GDF1: variants seen among roughly 807,000 people sequenced by gnomAD.
GDF1 encodes the protein growth differentiation factor 1.
Under a neutral mutation model 7.4 loss-of-function variants are expected in GDF1, and 8 were observed. The observed-to-expected ratio is 1.09, with a 90% CI of 0.64 to 1.96. The LOEUF (loss-of-function observed/expected upper bound fraction) is 1.96. GDF1 is among the 30% of genes most tolerant of loss of function. The pLI is 0.00. For missense variants in GDF1, 574 were observed against 551.5 expected (o/e 1.04, Z -0.41); for synonymous variants, 311 against 276.7 (o/e 1.12, Z -1.23).
rs1248777112 is a variant in GDF1, at chr19:18,868,926, CG to C, written c.789del (p.Gly265AlafsTer10). On this transcript the variant is annotated frameshift_variant, in exon 8 of 8. Coordinates refer to ENST00000247005, the MANE Select transcript of GDF1 (RefSeq NM_001492.6). LOFTEE classifies it low-confidence loss of function (END_TRUNC). ...AGCCGCCGCGCGCGACAAGCGCCCC[CG>C]GGGCCGCCGCCCAACACGGGTTCGG... The part of the protein sequence containing the change: ...RDAEPVLGGG[P>X]GGACRARRLY... 2.3e-6 allele frequency: 3 copies of C among 1,331,380 alleles called. No individual in the cohort carries two copies. The highest frequency in any genetic ancestry group is 1.4e-5 in the South Asian group (1 of 70,440). The allele number at this position is 1,331,380 out of a possible 1,614,324, so 82.5% of individuals were successfully genotyped here.
intron 6 of GDF1, among the ~76,000 whole-genome samples, chr19:18,871,719 C>G (rs747380409): frequency 3.9e-5 from 6 of 152,230 alleles, no homozygotes; most frequent in Non-Finnish European, 8.8e-5. Flanking sequence ...TCACAGCCAA[C>G]TGGCTGTCCC....
chr19:18,869,575 G>A (rs1039075265), intron 7 of GDF1, among the ~76,000 whole-genome samples, 185 bp from the exon 8 acceptor site: 111 of 150,232 alleles, frequency 7.4e-4, no homozygotes, highest in African/African-American at 2.6e-3. Flanking sequence ...AAGGCGCCCT[G>A]CGGGGTGCGG....
chr19:18,884,862 G>A (rs932201749), intron 2 of GDF1, among the ~76,000 whole-genome samples: 2 of 150,644 alleles, frequency 1.3e-5, no homozygotes, highest in African/African-American at 2.4e-5. Context: ...TACAGGCGCT[G>A]GACACCATGC....
rs1250812564 is a variant in GDF1, at chr19:18,868,836, TG to T, written c.879del (p.Asn294ThrfsTer91). The T allele has an allele frequency of 1.2e-5, 18 of 1,454,010 alleles. No homozygotes were observed. The highest frequency in any genetic ancestry group is 1.5e-5 in the Non-Finnish European group (16 of 1,094,172). The allele number at this position is 1,454,010 out of a possible 1,614,324, so 90.1% of individuals were successfully genotyped here. A position where few individuals can be genotyped will look rare whatever the true frequency, so the allele number is the denominator to read the frequency against. On this transcript the variant is annotated frameshift_variant, in exon 8 of 8. Transcript: ENST00000247005. LOFTEE classifies it low-confidence loss of function (END_TRUNC). Reference protein sequence around the residue: ...RWVIAPRGFLANYCQGQCALP... With the variant: ...RWVIAPRGFLXNYCQGQCALP... Reference sequence around the variant, plus strand: ...AGCGCGCACTGACCCTGGCAGTAGTTGGCCAGGAAGCCGCGCGGCGCGATGA... The same window carrying T: ...AGCGCGCACTGACCCTGGCAGTAGTTGCCAGGAAGCCGCGCGGCGCGATGA...
At chr19:18,887,047 G>A (rs904960345) in intron 2 of GDF1, among the ~76,000 whole-genome samples, 3 of 152,224 alleles carry the variant, frequency 2.0e-5, no homozygotes, top group Admixed American at 1.3e-4. Context: ...GGGACTCAAA[G>A]AGATACTCAT....
intron 2 of GDF1, among the ~76,000 whole-genome samples, chr19:18,888,962 A>G (rs927976954): frequency 1.4e-5 from 2 of 140,046 alleles, no homozygotes; most frequent in Non-Finnish European, 3.0e-5. Context: ...CATGATCTCG[A>G]CTCACTGCAA....
In GDF1 at chr19:18,870,197, G is replaced by C; in HGVS notation, c.111C>G (p.Ala37=). Residue 37 remains alanine, a synonymous_variant, in exon 7 of 8, where the codon GCC becomes GCG. Transcript: ENST00000247005. The surrounding 1 kb of genome is among the most constrained non-coding windows in gnomAD (Gnocchi z 5.1). ...GCAGTCCTAGAGCCTGGAGCAGGGC[G>C]GCGGCTGGGCCTGGGGGCACGGGGG... ...TRAPVPPGPA[A]ALLQALGLRD... The C allele has an allele frequency of 6.4e-7, 1 of 1,560,284 alleles. No homozygotes were observed.
chr19:18,870,384 T>C lies in GDF1; in HGVS notation c.-77A>G. 5.4e-6 allele frequency: 8 copies of C among 1,490,852 alleles called. No homozygotes were observed. Among genetic ancestry groups the C allele is most frequent in the Non-Finnish European group, 7.2e-6 (8 of 1,110,196 alleles). 92.4% of individuals were successfully genotyped at this position (1,490,852 alleles called of 1,614,324 possible). ...ACCAGTGGGCTGAGGGCGGGGCCGG[T>C]GTCCCCGGAGGGGCAGGGGTCCTGG... On this transcript the variant is annotated 5_prime_UTR_variant, in exon 7 of 8. Transcript: ENST00000247005. The surrounding 1 kb of genome is among the most constrained non-coding windows in gnomAD (Gnocchi z 5.1).
Position 18,876,536 on chromosome 19 carries a change from T to TTGTGTGTGTGTGTGTGTGTG in GDF1, c.-313+2374_-313+2393dup, listed in dbSNP as rs60266196. ...TTTGTTTTGTTTTGTTTTGATTGGG[T>TTGTGTGTGTGTGTGTGTGTG]TGTGTGTGTGTGTGTGTGTGTGTGT... On this transcript the variant is annotated intron_variant, in intron 6 of 7. Coordinates refer to ENST00000247005, the MANE Select transcript of GDF1 (RefSeq NM_001492.6). 2.4e-4 allele frequency among the ~76,000 whole-genome samples: 34 copies of TTGTGTGTGTGTGTGTGTGTG among 143,276 alleles called. 1 individual carries two copies. The highest frequency in any genetic ancestry group is 8.8e-4 in the African/African-American group (34 of 38,678). The allele number at this position is 143,276 out of a possible 152,430, so 94.0% of individuals were successfully genotyped here.
chr19:18,895,735 A>G lies in GDF1; in HGVS notation c.-1074+89T>C. On this transcript the variant is annotated intron_variant, in intron 1 of 7. Coordinates refer to ENST00000247005, the MANE Select transcript of GDF1 (RefSeq NM_001492.6). The surrounding 1 kb of genome is among the most constrained non-coding windows in gnomAD (Gnocchi z 6.4). ...CTTCATCCGCAGCAGCCAGCGCTGG[A>G]AGAAAGGAACGCGCCGGCGGCCCCA... 4.3e-6 allele frequency: 3 copies of G among 690,096 alleles called. No individual in the cohort carries two copies. The highest frequency in any genetic ancestry group is 5.8e-6 in the Non-Finnish European group (3 of 519,786). 42.7% of individuals were successfully genotyped at this position (690,096 alleles called of 1,614,324 possible).
chr19:18,870,078 C>T lies in GDF1; in HGVS notation c.230G>A (p.Gly77Asp). 1 of 1,582,242 alleles carries T rather than the reference C, an allele frequency of 6.3e-7. No individual in the cohort carries two copies. The highest frequency in any genetic ancestry group is 8.6e-7 in the Non-Finnish European group (1 of 1,168,874). The part of the protein sequence containing the change: ...RRRDPQETRS[G>D]SRRTSPGVTL... ...GACCCCTGGGGACGTCCGCCGCGAG[C>T]CAGACCTGGTCTCCTGGGGGTCCCG... Residue 77 changes from glycine (G) to aspartate (D), a missense_variant, in exon 7 of 8, where the codon GGC becomes GAC. Coordinates refer to ENST00000247005, the MANE Select transcript of GDF1 (RefSeq NM_001492.6). This position sits in a 1 kb window ranked among gnomAD's most constrained non-coding sequence, Gnocchi z 5.1.
rs2055940296 is a variant in GDF1, at chr19:18,870,144, A to G, written c.164T>C (p.Leu55Pro). ...CCACATGACCGGGGGAACCGGCCGGAGCCTGGGGGCACCCTGGGGCTCATC... is the reference window on the plus strand; with the variant it reads ...CCACATGACCGGGGGAACCGGCCGGGGCCTGGGGGCACCCTGGGGCTCATC... ...LRDEPQGAPR[L>P]RPVPPVMWRL... Residue 55 changes from leucine to proline, a missense_variant, in exon 7 of 8, where the codon CTC (leucine) becomes CCC (proline). Coordinates refer to ENST00000247005, the MANE Select transcript of GDF1 (RefSeq NM_001492.6). The surrounding 1 kb of genome is among the most constrained non-coding windows in gnomAD (Gnocchi z 5.1). The G allele has an allele frequency of 6.4e-7, 1 of 1,563,964 alleles. No individual in the cohort carries two copies. The highest frequency in any genetic ancestry group is 8.6e-7 in the Non-Finnish European group (1 of 1,160,466).
intron 3 of GDF1, among the ~76,000 whole-genome samples, chr19:18,883,582 C>T (rs1003525266): frequency 2.6e-5 from 4 of 152,234 alleles, no homozygotes; most frequent in East Asian, 1.9e-4. Context: ...TATTTTCACT[C>T]GTTTGTATGT....
rs1214003211 is a variant in GDF1 at position 18,895,966 on chromosome 19, C to T, written c.-1216G>A. 9 of 1,068,170 alleles carry T rather than the reference C, an allele frequency of 8.4e-6. No homozygotes were observed. Among genetic ancestry groups the T allele is most frequent in the South Asian group, 3.4e-5 (1 of 29,706 alleles). The allele number at this position is 1,068,170 out of a possible 1,614,324, so 66.2% of individuals were successfully genotyped here. A position where few individuals can be genotyped will look rare whatever the true frequency, so the allele number is the denominator to read the frequency against. On this transcript the variant is annotated 5_prime_UTR_variant, in exon 1 of 8. Transcript: ENST00000247005. This position sits in a 1 kb window ranked among gnomAD's most constrained non-coding sequence, Gnocchi z 6.4. ...CAGCCCCCAGCCGCAGTCCGTGCAG[C>T]CCCGCGCCGCCGCCAGCGCGCTGCC...
At chr19:18,885,511 GTTTTTTTTTTTTT>G (rs59793456) in intron 2 of GDF1, among the ~76,000 whole-genome samples, 1 of 22,122 alleles carries the variant, frequency 4.5e-5, no homozygotes, top group African/African-American at 1.1e-4. Context: ...GCCCCTTCTC[GTTTTTTTTTTTTT>G]TTTTTTTTTT....
chr19:18,881,592 C>G (rs1312513938), intron 3 of GDF1: 1 of 152,178 alleles, frequency 6.6e-6, no homozygotes, highest in Admixed American at 6.6e-5. Context: ...AGATGAGCTG[C>G]CCGAGGGTCC....
intron 6 of GDF1, among the ~76,000 whole-genome samples, chr19:18,871,618 AAGCAGTC>A (rs1312390867): frequency 6.6e-6 from 1 of 152,148 alleles, no homozygotes; most frequent in Non-Finnish European, 1.5e-5. Context: ...TCCTGGGCTC[AAGCAGTC>A]AGCCCTCCTC....
At chr19:18,879,456 C>T in intron 4 of GDF1, 68 bp from the exon 5 acceptor site, 3 of 1,525,392 alleles carry the variant, frequency 2.0e-6, no homozygotes, top group Non-Finnish European at 2.6e-6. Context: ...CCTGTCCTAT[C>T]CCGTCCTAGA....
At chr19:18,893,103 C>T (rs1278247393) in intron 2 of GDF1, among the ~76,000 whole-genome samples, 6 of 151,992 alleles carry the variant, frequency 3.9e-5, no homozygotes, top group Admixed American at 6.6e-5. Context: ...TTAGTAGAGA[C>T]GGGGTTTCAC....
Sources: gnomAD v4.1 joint callset for allele counts (sites outside exome capture counted in the v4.1 genomes callset) on GRCh38, gnomAD v4.1.1 for gene constraint, Gnocchi (gnomAD v3.1) non-coding constraint, MANE v1.5 for transcripts, NCBI Gene and HGNC (gene_info 2026-07-23, HGNC 2026-07-21) for gene names.